Variants in PSMD1 observed in about 807,000 individuals in gnomAD.
PSMD1 encodes the protein 26S proteasome non-ATPase regulatory subunit 1.
Under a neutral mutation model 119.0 loss-of-function variants are expected in PSMD1, and 18 were observed. The ratio of observed to expected loss-of-function variants is 0.15; its 90% CI spans 0.10 to 0.22. PSMD1 has a LOEUF of 0.22. PSMD1 is among the 10% of genes least tolerant of loss of function. The pLI is 1.00. For missense variants in PSMD1, 702 were observed against 1,158.5 expected (o/e 0.61, Z 5.72); for synonymous variants, 374 against 396.6 (o/e 0.94, Z 0.68).
intron 16 of PSMD1, among the ~76,000 whole-genome samples, chr2:231,103,911 A>G (rs1487621514): frequency 6.6e-6 from 1 of 152,106 alleles, no homozygotes; most frequent in African/African-American, 2.4e-5. Flanking sequence ...TGCTGTAGAG[A>G]TTAGACACAA....
At chr2:231,106,448 T>C (rs375025516) in intron 16 of PSMD1, among the ~76,000 whole-genome samples, 259 of 152,170 alleles carry the variant, frequency 1.7e-3, no homozygotes, top group African/African-American at 5.8e-3. Flanking sequence ...CGAAACCCCA[T>C]CTGTACTGAA....
intron 16 of PSMD1, among the ~76,000 whole-genome samples, chr2:231,122,889 G>A (rs1241475207): frequency 6.6e-6 from 1 of 152,064 alleles, no homozygotes; most frequent in Non-Finnish European, 1.5e-5. Context: ...CACATATGTA[G>A]GAATTGTGTT....
At chr2:231,098,165 G>A (rs183462332) in intron 16 of PSMD1, among the ~76,000 whole-genome samples, 81 of 152,290 alleles carry the variant, frequency 5.3e-4, no homozygotes, top group Non-Finnish European at 1.1e-3. Flanking sequence ...GGCCATCCAC[G>A]GGTTACTGGG....
At chr2:231,073,329 A>C (rs2125163349) in intron 7 of PSMD1, among the ~76,000 whole-genome samples, 1 of 152,338 alleles carries the variant, frequency 6.6e-6, no homozygotes, top group East Asian at 1.9e-4. Flanking sequence ...GTGATCACAT[A>C]CTATTGGAGA....
intron 7 of PSMD1, among the ~76,000 whole-genome samples, chr2:231,075,195 C>G (rs2125165003): frequency 6.6e-6 from 1 of 152,170 alleles, no homozygotes; most frequent in East Asian, 1.9e-4. Context: ...CTTTTCAAGC[C>G]CATTTTGTAG....
chr2:231,071,973 A>G (rs1694051741), intron 6 of PSMD1, among the ~76,000 whole-genome samples: 1 of 152,222 alleles, frequency 6.6e-6, no homozygotes, highest in Non-Finnish European at 1.5e-5. Context: ...AGTTATAAAT[A>G]TAATTTGTAT....
intron 16 of PSMD1, among the ~76,000 whole-genome samples, chr2:231,091,374 T>C (rs761413534): frequency 2.6e-5 from 4 of 152,228 alleles, no homozygotes; most frequent in Non-Finnish European, 5.9e-5. Context: ...CTTGAAGCTT[T>C]TGCAAAACCT....
rs549569853 is a variant in PSMD1, at chr2:231,147,252, G to A, written c.2115+896G>A. On this transcript the variant is annotated intron_variant, in intron 18 of 24. Transcript: ENST00000308696. ...TCATTCCTATAATCCCAGTACTCCC[G>A]GAGGCTGAGGTGGGAGGATCACTTG... Among the ~76,000 whole-genome samples the A allele has an allele frequency of 3.2e-4, 48 of 152,294 alleles. 1 individual carries two copies. The East Asian group carries it at 5.8e-3, about 18-fold the overall frequency.
intron 1 of PSMD1, among the ~76,000 whole-genome samples, chr2:231,058,308 A>G (rs1169043660): frequency 2.6e-5 from 4 of 152,186 alleles, no homozygotes; most frequent in African/African-American, 4.8e-5. Flanking sequence ...GGGTTACTAT[A>G]TCAGCCTTAA....
chr2:231,141,583 A>AT (rs113740529), intron 17 of PSMD1, among the ~76,000 whole-genome samples: 208 of 142,810 alleles, frequency 1.5e-3, no homozygotes, highest in Middle Eastern at 3.6e-3. Flanking sequence ...TGCCAGGCTA[A>AT]TTTTTTTTTT....
At chr2:231,151,060 A>G (rs1377518931) in intron 18 of PSMD1, among the ~76,000 whole-genome samples, 1 of 152,222 alleles carries the variant, frequency 6.6e-6, no homozygotes, top group Non-Finnish European at 1.5e-5. Context: ...CCTACATAGT[A>G]CAATGCATGG....
At chr2:231,154,390 C>T (rs1384302034) in intron 19 of PSMD1, among the ~76,000 whole-genome samples, 3 of 152,214 alleles carry the variant, frequency 2.0e-5, no homozygotes, top group African/African-American at 4.8e-5. Flanking sequence ...ACCGAGATTG[C>T]TCCACTGCAC....
At chr2:231,067,194 A>G in intron 5 of PSMD1, 83 bp downstream of exon 5, 1 of 1,068,582 alleles carries the variant, frequency 9.4e-7, no homozygotes, top group South Asian at 1.9e-5. Context: ...TTTCATAGGC[A>G]GTGAAAAGAA....
intron 16 of PSMD1, among the ~76,000 whole-genome samples, chr2:231,120,952 G>A (rs2125228292): frequency 6.6e-6 from 1 of 152,266 alleles, no homozygotes; most frequent in Admixed American, 6.5e-5. Context: ...ACTTGCAAAA[G>A]GTTATAAAAA....
rs755344406 is a variant in PSMD1 at position 231,170,917 on chromosome 2, G to A, written c.*9+196G>A. On this transcript the variant is annotated intron_variant, in intron 24 of 24. Coordinates refer to ENST00000308696, the MANE Select transcript of PSMD1 (RefSeq NM_002807.4). This position sits in a 1 kb window ranked among gnomAD's most constrained non-coding sequence, Gnocchi z 4.1. ...TTCCTTTTTCTTTCCTCTTTGACTC[G>A]TACTCTACTCACGTTATTCAAAGTG... Among the ~76,000 whole-genome samples the A allele has an allele frequency of 4.1e-4, 62 of 151,814 alleles. No individual in the cohort carries two copies. The highest frequency in any genetic ancestry group is 4.1e-3 in the Admixed American group (62 of 15,256).
chr2:231,106,746 A>G (rs2125199764), intron 16 of PSMD1, among the ~76,000 whole-genome samples: 1 of 152,362 alleles, frequency 6.6e-6, no homozygotes, highest in Admixed American at 6.5e-5. Flanking sequence ...GAGGCAGTAC[A>G]AAGCATGTGA....
At chr2:231,127,823 G>C (rs1695762318) in intron 16 of PSMD1, among the ~76,000 whole-genome samples, 1 of 152,202 alleles carries the variant, frequency 6.6e-6, no homozygotes. Context: ...TAATGGTAGA[G>C]TGAAGTTTTT....
At chr2:231,113,178 C>G (rs1410131252) in intron 16 of PSMD1, among the ~76,000 whole-genome samples, 1 of 151,952 alleles carries the variant, frequency 6.6e-6, no homozygotes, top group Non-Finnish European at 1.5e-5. Flanking sequence ...AAAGAAAAAA[C>G]AAACCAAAAA....
intron 21 of PSMD1, 112 bp from the exon 22 acceptor site, chr2:231,165,088 A>ATATATATATATATG (rs1696745204): frequency 6.6e-6 from 1 of 152,160 alleles, no homozygotes; most frequent in Non-Finnish European, 1.3e-5. Flanking sequence ...ATATATATAT[A>ATATATATATATATG]TATGTAATAC....
Sources: allele counts gnomAD v4.1 joint callset (sites outside exome capture counted in the v4.1 genomes callset), GRCh38; gene constraint gnomAD v4.1.1; non-coding constraint Gnocchi (gnomAD v3.1); transcripts MANE v1.5; gene names NCBI Gene and HGNC (gene_info 2026-07-23, HGNC 2026-07-21).